The following PSRC1 variants were observed in gnomAD, a reference collection of about 807,000 sequenced individuals.
PSRC1 encodes the protein proline and serine rich coiled-coil 1.
Under a neutral mutation model 31.9 loss-of-function variants are expected in PSRC1, and 30 were observed. That is an observed-to-expected ratio of 0.94 (90% CI 0.70 to 1.28). The LOEUF (loss-of-function observed/expected upper bound fraction) is 1.28, where lower values mean the gene tolerates loss of function less well. PSRC1 is among the 50% of genes most tolerant of loss of function. PSRC1 has a pLI of 0.00. For synonymous variants in PSRC1, 191 were observed against 192.1 expected (o/e 0.99, Z 0.05); for missense variants, 481 against 472.8 (o/e 1.02, Z -0.16).
chr1:109,282,402 C>G (rs1019459022), intron 3 of PSRC1, 116 bp downstream of exon 3: 1 of 928,844 alleles, frequency 1.1e-6, no homozygotes, highest in Non-Finnish European at 1.7e-6. Flanking sequence ...CGCCCAGCAG[C>G]CCCAAGTGCG....
Position 109,282,079 on chromosome 1 carries a change from C to G in PSRC1, c.78-19G>C. ...CTCACGGCTGAGACAGGAAACAAAC[C>G]AGGCATCATGCCCATGCAAAAGGGA... On this transcript the variant is annotated intron_variant, in intron 3 of 6. Transcript: ENST00000409138. The G allele has an allele frequency of 1.4e-6, 2 of 1,471,228 alleles. No homozygotes were observed. The highest frequency in any genetic ancestry group is 1.8e-6 in the Non-Finnish European group (2 of 1,109,066). 91.1% of individuals were successfully genotyped at this position (1,471,228 alleles called of 1,614,324 possible). A position where few individuals can be genotyped will look rare whatever the true frequency, so the allele number is the denominator to read the frequency against.
exon 4 of PSRC1, chr1:109,281,796 C>G: frequency 5.6e-6 from 9 of 1,614,100 alleles, no homozygotes; most frequent in Non-Finnish European, 7.6e-6. Flanking sequence ...CAAAGGTCTC[C>G]CGCCGAGGAC....
At position 109,280,634 on chromosome 1, in the gene PSRC1, A is replaced by C. The variant is rs1656909324; in HGVS notation, c.994+143T>G. On this transcript the variant is annotated intron_variant, in intron 5 of 6. Coordinates refer to ENST00000409138, the Ensembl canonical transcript of PSRC1. ...GAAAACTAAGACTCAGACTCTGTCC[A>C]GCCCCATATCCTCTCTGTAACTCAG... 4.2e-6 allele frequency: 4 copies of C among 955,478 alleles called. No individual in the cohort carries two copies. The South Asian group carries it at 6.7e-5, about 16-fold the overall frequency. 59.2% of individuals were successfully genotyped at this position (955,478 alleles called of 1,614,324 possible). A position where few individuals can be genotyped will look rare whatever the true frequency, so the allele number is the denominator to read the frequency against.
In PSRC1 at chr1:109,281,135, A is replaced by C; in HGVS notation, c.636T>G (p.Ser212Arg). The C allele has an allele frequency of 6.2e-7, 1 of 1,613,110 alleles. No homozygotes were observed. Among genetic ancestry groups the C allele is most frequent in the African/African-American group, 1.3e-5 (1 of 75,008 alleles). Residue 212 changes from serine (S) to arginine (R), a missense_variant, in exon 5 of 7, where the codon AGT becomes AGG. Coordinates refer to ENST00000409138, the Ensembl canonical transcript of PSRC1. ...GCAACTTGGCTGCTCTGGTCTCCTCACTGGCTGCTGCTCTCCCACTGGGCC... is the reference window on the plus strand; with the variant it reads ...GCAACTTGGCTGCTCTGGTCTCCTCCCTGGCTGCTGCTCTCCCACTGGGCC...
At chr1:109,281,673 C>T in exon 4 of PSRC1, 1 of 1,614,094 alleles carries the variant, frequency 6.2e-7, no homozygotes, top group Non-Finnish European at 8.5e-7. Context: ...CCCTGACTGA[C>T]CCCTTCCTAT....
chr1:109,282,556 A>G (rs1391535141), exon 3 of PSRC1: 1 of 1,614,054 alleles, frequency 6.2e-7, no homozygotes, highest in South Asian at 1.1e-5. Flanking sequence ...CCAAGGTCTC[A>G]TCCACAATAA....
exon 1 of PSRC1, chr1:109,283,097 C>T (rs1657461044): frequency 3.5e-6 from 1 of 287,306 alleles, no homozygotes; most frequent in Non-Finnish European, 6.6e-6. Context: ...CCCGCGCCGC[C>T]TTATCTTCCA....
chr1:109,283,065 C>G (rs1315513709), intron 1 of PSRC1: 5 of 367,928 alleles, frequency 1.4e-5, no homozygotes, highest in Non-Finnish European at 2.0e-5. Flanking sequence ...AAGCACACCT[C>G]CAGCCCACCC....
At position 109,282,505 on chromosome 1, in the gene PSRC1, AAG is replaced by A. The variant is rs1657343444; in HGVS notation, c.77+11_77+12del. On this transcript the variant is annotated intron_variant, in intron 3 of 6. Transcript: ENST00000409138. ...CTGTTAGAGGAAAATAAGTGGGATA[AAG>A]AGGCTGGTACCTGTCAGATGGTGAC... The A allele has an allele frequency of 6.2e-7, 1 of 1,611,378 alleles. No homozygotes were observed. Among genetic ancestry groups the A allele is most frequent in the East Asian group, 2.2e-5 (1 of 44,874 alleles).
exon 5 of PSRC1, chr1:109,281,151 C>T (rs781437878): frequency 6.2e-7 from 1 of 1,613,552 alleles, no homozygotes; most frequent in Non-Finnish European, 8.5e-7. Flanking sequence ...TGCTGCTCTC[C>T]CACTGGGCCC....
Position 109,280,989 on chromosome 1 carries a change from TGA to T in PSRC1, c.780_781del (p.Gln261ThrfsTer11), listed in dbSNP as rs757958046. On this transcript the variant is annotated frameshift_variant, in exon 5 of 7. Transcript: ENST00000409138. LOFTEE classifies it high-confidence loss of function. ...TGCTCCCTGCGGCCGGGGCAGGCGT[TGA>T]GAGTTGCTGGTAGAAGGCTGTGGGG... 1 of 1,608,310 alleles carries T rather than the reference TGA, an allele frequency of 6.2e-7. No homozygotes were observed. The highest frequency in any genetic ancestry group is 2.2e-5 in the East Asian group (1 of 44,694).
chr1:109,280,701 G>T, intron 5 of PSRC1, 76 bp downstream of exon 6: 1 of 1,244,744 alleles, frequency 8.0e-7, no homozygotes, highest in Non-Finnish European at 1.1e-6. Flanking sequence ...GATGGCAAAA[G>T]TGGTCACTGT....
At position 109,282,298 on chromosome 1, in the gene PSRC1, ACTTATCCTTCTT is replaced by A. The variant is rs1254487990; in HGVS notation, c.77+208_77+219del. On this transcript the variant is annotated intron_variant, in intron 3 of 6. Transcript: ENST00000409138. ...GCCAGGATGGAGATGCAGCAAATCC[ACTTATCCTTCTT>A]CTTAACACCCTGAAATCTAACTCCA... The A allele has an allele frequency of 9.8e-6, 6 of 614,052 alleles. No individual in the cohort carries two copies. In the East Asian group the frequency reaches 1.7e-4, roughly 17 times the overall value. 38.0% of individuals were successfully genotyped at this position (614,052 alleles called of 1,614,324 possible). A position where few individuals can be genotyped will look rare whatever the true frequency, so the allele number is the denominator to read the frequency against.
At chr1:109,280,800 C>T in exon 5 of PSRC1, 1 of 1,588,216 alleles carries the variant, frequency 6.3e-7, no homozygotes, top group Non-Finnish European at 8.6e-7. Flanking sequence ...TTCCCGCACT[C>T]TGTGTCCTGC....
rs1657165863 is a variant in PSRC1 at position 109,281,789 on chromosome 1, A to G, written c.349T>C (p.Phe117Leu). 3 of 1,613,820 alleles carry G rather than the reference A, an allele frequency of 1.9e-6. No individual in the cohort carries two copies. In the African/African-American group the frequency reaches 4.0e-5, roughly 22 times the overall value. The change falls in exon 4 of 7, where the codon TTT becomes CTT. Residue 117 changes from phenylalanine to leucine, a missense_variant. Coordinates refer to ENST00000409138, the Ensembl canonical transcript of PSRC1. The stretch of plus-strand genomic sequence containing the variant: ...CGGACAGGACTATCCTTCAGCACAA[A>G]GGTCTCCCGCCGAGGACTGGGCTTC...
At chr1:109,281,838 G>C (rs558602891) in exon 4 of PSRC1, 4 of 1,613,852 alleles carry the variant, frequency 2.5e-6, no homozygotes, top group South Asian at 2.2e-5. Flanking sequence ...CCAGGCCCTC[G>C]CCTGCGCTCT....
At chr1:109,280,570 G>T in intron 5 of PSRC1, 81 bp from the exon 7 acceptor site, 2 of 1,223,120 alleles carry the variant, frequency 1.6e-6, no homozygotes, top group Non-Finnish European at 2.3e-6. Flanking sequence ...AAGGGAGCGA[G>T]TGTGGGATTA....
In PSRC1 at chr1:109,280,387, C is replaced by G; in HGVS notation, c.1088+9G>C. 6.3e-7 allele frequency: 1 copy of G among 1,598,446 alleles called. No individual in the cohort carries two copies. The highest frequency in any genetic ancestry group is 1.1e-5 in the South Asian group (1 of 89,396). ...GGAGACAGGATGGGCAAGGGAGGAC[C>G]AGACTGACCTGGTAGGTCCTGGGAC... On this transcript the variant is annotated intron_variant, in intron 6 of 6. Coordinates refer to ENST00000409138, the Ensembl canonical transcript of PSRC1.
chr1:109,282,931 G>A (rs2101417033), intron 1 of PSRC1, 132 bp downstream of exon 1: 2 of 609,340 alleles, frequency 3.3e-6, no homozygotes, highest in Admixed American at 2.9e-5. Context: ...TTGCCCTGGA[G>A]CCGCCCTGCA....
Sources: gnomAD v4.1 joint callset for allele counts on GRCh38, gnomAD v4.1.1 for gene constraint, MANE v1.5 for transcripts, NCBI Gene and HGNC (gene_info 2026-07-23, HGNC 2026-07-21) for gene names.